Variants in KLHL24 observed in about 807,000 individuals in gnomAD.
KLHL24 encodes kelch like family member 24, also known as kelch-like protein 24.
KLHL24 carries 29 observed loss-of-function variants against 53.4 expected under a neutral mutation model. That is an observed-to-expected ratio of 0.54 (90% CI 0.40 to 0.74). The LOEUF is 0.74. KLHL24 is among the 30% of genes least tolerant of loss of function. The pLI is 0.00. For missense variants in KLHL24, 504 were observed against 744.0 expected, an observed-to-expected ratio of 0.68 and a Z score of 3.75; for synonymous variants, 222 against 253.7, an observed-to-expected ratio of 0.88 and a Z score of 1.19.
At chr3:183,675,941 AAATT>A (rs1576987084) in intron 7 of KLHL24, among the ~76,000 whole-genome samples, 1 of 152,208 alleles carries the variant, frequency 6.6e-6, no homozygotes, top group Non-Finnish European at 1.5e-5. Flanking sequence ...ACTGAGAAAA[AAATT>A]AATAATAGGA....
At chr3:183,643,675 A>T (rs575834488) in intron 2 of KLHL24, 133 bp downstream of exon 2, 1 of 152,342 alleles carries the variant, frequency 6.6e-6, no homozygotes, top group East Asian at 1.9e-4. Context: ...ATCACAAAAG[A>T]TGGCAGTGTG....
chr3:183,638,981 A>G (rs1488785115), intron 1 of KLHL24, among the ~76,000 whole-genome samples: 1 of 152,004 alleles, frequency 6.6e-6, no homozygotes, highest in Non-Finnish European at 1.5e-5. Flanking sequence ...CGGGTGGATC[A>G]CCTGAGGTCA....
chr3:183,646,976 ATT>A (rs34105624), intron 2 of KLHL24, among the ~76,000 whole-genome samples: 11 of 133,754 alleles, frequency 8.2e-5, no homozygotes, highest in Non-Finnish European at 1.1e-4. Context: ...CGCCCAGCTA[ATT>A]TTTTTTTTTT....
At chr3:183,636,058 T>C (rs1577237846) in intron 1 of KLHL24, among the ~76,000 whole-genome samples, 2 of 144,770 alleles carry the variant, frequency 1.4e-5, no homozygotes, top group African/African-American at 4.9e-5. Flanking sequence ...GCGGCGCGGC[T>C]GGTGCGGCCT....
chr3:183,650,798 A>G lies in KLHL24; in HGVS notation c.442A>G (p.Ile148Val), dbSNP rs779398932. 1.1e-4 allele frequency: 174 copies of G among 1,613,946 alleles called. No homozygotes were observed. The highest frequency in any genetic ancestry group is 1.3e-4 in the Non-Finnish European group (155 of 1,179,990). ...CTTTGAGACATCAAGCCTCTTTCAG[A>G]TTAGTGTTCTCCGTGATGCATGTGC... ...YLFETSSLFQ[I>V]SVLRDACAKF... The change falls in exon 3 of 8, where the codon ATT becomes GTT. Residue 148 changes from isoleucine (I) to valine (V), a missense_variant. Coordinates refer to ENST00000242810, the MANE Select transcript of KLHL24 (RefSeq NM_017644.3). The surrounding 1 kb of genome is among the most constrained non-coding windows in gnomAD (Gnocchi z 4.5).
At chr3:183,666,389 A>G (rs1054574630) in intron 5 of KLHL24, among the ~76,000 whole-genome samples, 1 of 151,980 alleles carries the variant, frequency 6.6e-6, no homozygotes, top group Non-Finnish European at 1.5e-5. Flanking sequence ...CAGCCTCCCA[A>G]GTAGCCAAGG....
chr3:183,647,184 G>T (rs1717403128), intron 2 of KLHL24, among the ~76,000 whole-genome samples: 1 of 151,776 alleles, frequency 6.6e-6, no homozygotes, highest in African/African-American at 2.4e-5. Flanking sequence ...ACTTTGGGAG[G>T]ACAAGGCGGG....
intron 3 of KLHL24, among the ~76,000 whole-genome samples, chr3:183,652,287 A>C (rs1482746684): frequency 6.6e-6 from 1 of 152,188 alleles, no homozygotes; most frequent in East Asian, 1.9e-4. Flanking sequence ...TTAATTCATA[A>C]ACTATAGAAA....
At position 183,679,361 on chromosome 3, in the gene KLHL24, A is replaced by G. The variant is rs1473650411; in HGVS notation, c.*75A>G. 1 of 1,055,210 alleles carries G rather than the reference A, an allele frequency of 9.5e-7. No individual in the cohort carries two copies. Among genetic ancestry groups the G allele is most frequent in the Non-Finnish European group, 1.4e-6 (1 of 695,472 alleles). The allele number at this position is 1,055,210 out of a possible 1,614,324, so 65.4% of individuals were successfully genotyped here. A position where few individuals can be genotyped will look rare whatever the true frequency, so the allele number is the denominator to read the frequency against. On this transcript the variant is annotated 3_prime_UTR_variant, in exon 8 of 8. Transcript: ENST00000242810. Reference sequence around the variant, plus strand: ...TTAAAAACTCTACAGTGGGAACTTCACATATCTCCTTTGTGCCATATGCAA... The same window carrying G: ...TTAAAAACTCTACAGTGGGAACTTCGCATATCTCCTTTGTGCCATATGCAA...
intron 5 of KLHL24, 30 bp downstream of exon 5, chr3:183,665,069 C>T (rs1345265543): frequency 6.1e-6 from 7 of 1,139,622 alleles, no homozygotes; most frequent in Non-Finnish European, 9.3e-6. Context: ...ATTACTATTG[C>T]TGGTACCTTT....
intron 2 of KLHL24, among the ~76,000 whole-genome samples, chr3:183,646,048 T>TTG (rs142937934): frequency 0.096 from 13,263 of 138,166 alleles, 641 homozygotes; most frequent in East Asian, 0.27. Flanking sequence ...TCTGGGTTTT[T>TTG]TGTTTTGTTT....
intron 3 of KLHL24, among the ~76,000 whole-genome samples, chr3:183,655,607 T>A (rs2108811985): frequency 6.6e-6 from 1 of 151,932 alleles, no homozygotes; most frequent in East Asian, 1.9e-4. Flanking sequence ...CCAGCCTGGG[T>A]GGCAGAGCAA....
intron 3 of KLHL24, among the ~76,000 whole-genome samples, chr3:183,656,343 T>G (rs1485079295): frequency 6.6e-6 from 1 of 152,168 alleles, no homozygotes; most frequent in Admixed American, 6.5e-5. Flanking sequence ...GTAGCATTCA[T>G]AATTTCCTCT....
At chr3:183,667,617 C>T (rs12487341) in intron 5 of KLHL24, among the ~76,000 whole-genome samples, 2 of 151,926 alleles carry the variant, frequency 1.3e-5, no homozygotes, top group African/African-American at 2.4e-5. Context: ...ACCAGCCCCC[C>T]ACCCAGACCT....
intron 3 of KLHL24, among the ~76,000 whole-genome samples, chr3:183,652,768 T>G (rs934553909): frequency 6.6e-6 from 1 of 152,240 alleles, no homozygotes; most frequent in African/African-American, 2.4e-5. Flanking sequence ...GTGTGACTAT[T>G]AGTTCTTCGA....
intron 7 of KLHL24, among the ~76,000 whole-genome samples, chr3:183,674,242 A>ATTTTC (rs1560185580): frequency 9.2e-6 from 1 of 108,538 alleles, no homozygotes; most frequent in African/African-American, 3.5e-5. Flanking sequence ...TTTAGCATCA[A>ATTTTC]TTTTCTTTCT....
chr3:183,638,795 T>C (rs1265165865), intron 1 of KLHL24, among the ~76,000 whole-genome samples: 2 of 152,154 alleles, frequency 1.3e-5, no homozygotes, highest in Non-Finnish European at 2.9e-5. Context: ...AAACAATCGC[T>C]AAGCAAACTT....
At chr3:183,667,604 C>G (rs1720754920) in intron 5 of KLHL24, among the ~76,000 whole-genome samples, 1 of 152,128 alleles carries the variant, frequency 6.6e-6, no homozygotes, top group South Asian at 2.1e-4. Context: ...CGACCAGTCC[C>G]CCACCAGCCC....
At chr3:183,657,280 A>G (rs917843778) in intron 3 of KLHL24, among the ~76,000 whole-genome samples, 5 of 152,196 alleles carry the variant, frequency 3.3e-5, no homozygotes, top group African/African-American at 1.2e-4. Context: ...ATACATGGCA[A>G]GTTGTTCGTG....
Sources: allele counts gnomAD v4.1 joint callset (sites outside exome capture counted in the v4.1 genomes callset), GRCh38; gene constraint gnomAD v4.1.1; non-coding constraint Gnocchi (gnomAD v3.1); transcripts MANE v1.5; gene names NCBI Gene and HGNC (gene_info 2026-07-23, HGNC 2026-07-21).